The following FAM193B variants were observed in gnomAD, a reference collection of about 807,000 sequenced individuals.
The protein encoded by FAM193B is protein FAM193B.
FAM193B carries 27 observed loss-of-function variants against 70.7 expected under a neutral mutation model. The ratio of observed to expected loss-of-function variants is 0.38; its 90% CI spans 0.28 to 0.53. The LOEUF is 0.53. FAM193B is among the 20% of genes least tolerant of loss of function. The probability of loss-of-function intolerance (pLI) is 0.81; values close to 1 mark genes in which losing one functional copy is unlikely to be tolerated. For synonymous variants in FAM193B, 448 were observed against 436.0 expected (o/e 1.03, Z -0.34); for missense variants, 1,022 against 1,072.5 (o/e 0.95, Z 0.66).
intron 7 of FAM193B, 71 bp downstream of exon 7, chr5:177,523,886 C>G (rs1762159174): frequency 6.4e-7 from 1 of 1,560,174 alleles, no homozygotes; most frequent in Non-Finnish European, 8.8e-7. Context: ...GCTTGAGGCA[C>G]AACACAGGGC....
chr5:177,524,518 G>T lies in FAM193B; in HGVS notation c.1963C>A (p.Pro655Thr). Reference protein sequence around the residue: ...KKSEASPAPRPPASLEVPSAK... With the variant: ...KKSEASPAPRTPASLEVPSAK... ...CTGGGAACCTCTAGGCTGGCTGGGG[G>T]CCGGGGGGCTGGGCTTGCCTCGCTC... The change falls in exon 6 of 9, where the codon CCC becomes ACC. Residue 655 changes from proline to threonine, a missense_variant. By Grantham distance (38) the Pro-to-Thr change is conservative. Coordinates refer to ENST00000514747, the MANE Select transcript of FAM193B (RefSeq NM_001190946.3). The T allele has an allele frequency of 6.2e-7, 1 of 1,612,738 alleles. No individual in the cohort carries two copies. The highest frequency in any genetic ancestry group is 8.5e-7 in the Non-Finnish European group (1 of 1,179,652).
At chr5:177,551,281 GTTTGT>G (rs1766208566) in intron 1 of FAM193B, among the ~76,000 whole-genome samples, 1 of 145,114 alleles carries the variant, frequency 6.9e-6, no homozygotes, top group African/African-American at 2.6e-5. Flanking sequence ...TTTTTTTTTT[GTTTGT>G]TTTGTTTTCC....
chr5:177,549,328 G>A (rs1354325869), intron 1 of FAM193B, among the ~76,000 whole-genome samples: 1 of 151,738 alleles, frequency 6.6e-6, no homozygotes, highest in African/African-American at 2.4e-5. Context: ...AAGTAGCTGG[G>A]ACTATAGGTG....
chr5:177,539,151 TC>T lies in FAM193B; in HGVS notation c.211-5del. 2.6e-6 allele frequency: 4 copies of T among 1,550,944 alleles called. No individual in the cohort carries two copies. Among genetic ancestry groups the T allele is most frequent in the Non-Finnish European group, 3.5e-6 (4 of 1,146,622 alleles). The stretch of plus-strand genomic sequence containing the variant: ...GCTGGCTGGAGGCGGGGGGGACCTG[TC>T]CAACAGACAGAAACAGGGTTTCCCA... On this transcript the variant is annotated splice_region_variant and splice_polypyrimidine_tract_variant and intron_variant, in intron 1 of 8. Coordinates refer to ENST00000514747, the MANE Select transcript of FAM193B (RefSeq NM_001190946.3).
chr5:177,524,064 C>T, intron 6 of FAM193B, 32 bp from the exon 7 acceptor site: 2 of 1,613,898 alleles, frequency 1.2e-6, no homozygotes, highest in African/African-American at 1.3e-5. Context: ...GGCTCAGTGC[C>T]CATGGCCAGG....
chr5:177,540,888 G>A (rs1764773873), intron 1 of FAM193B, among the ~76,000 whole-genome samples: 1 of 152,244 alleles, frequency 6.6e-6, no homozygotes, highest in Middle Eastern at 3.4e-3. Flanking sequence ...ATAAGATAAT[G>A]CCATCATTTT....
chr5:177,534,211 T>A (rs961313385), intron 4 of FAM193B, among the ~76,000 whole-genome samples: 3 of 151,964 alleles, frequency 2.0e-5, no homozygotes, highest in Non-Finnish European at 4.4e-5. Context: ...AAAAAGATGG[T>A]GGCAGGAATC....
chr5:177,552,785 A>C (rs1425549135), intron 1 of FAM193B, among the ~76,000 whole-genome samples: 1 of 152,226 alleles, frequency 6.6e-6, no homozygotes, highest in African/African-American at 2.4e-5. Context: ...TCTGACACTC[A>C]GTAAGTGCTG....
At chr5:177,549,512 T>C (rs997997149) in intron 1 of FAM193B, among the ~76,000 whole-genome samples, 3 of 152,182 alleles carry the variant, frequency 2.0e-5, no homozygotes, top group African/African-American at 7.2e-5. Flanking sequence ...ATTTTATACA[T>C]GAGAAAACAA....
At chr5:177,531,452 G>A (rs754739616) in intron 5 of FAM193B, 10 of 1,362,526 alleles carry the variant, frequency 7.3e-6, no homozygotes, top group Non-Finnish European at 2.9e-6. Flanking sequence ...TCCTCTTTCC[G>A]CCTGGTCAGC....
chr5:177,547,267 G>A (rs1381175612), intron 1 of FAM193B: 3 of 141,708 alleles, frequency 2.1e-5, no homozygotes, highest in African/African-American at 7.9e-5. Flanking sequence ...AGTGAGACTT[G>A]CCCAAACCAA....
Position 177,539,140 on chromosome 5 carries a change from G to T in FAM193B, c.218C>A (p.Pro73His). ...PNLVPGPQVP[P>H]ASSQPVQTCC... ...AGTCTGCACAGGCTGGCTGGAGGCG[G>T]GGGGGACCTGTCCAACAGACAGAAA... The change falls in exon 2 of 9, where the codon CCC becomes CAC. Residue 73 changes from proline (P) to histidine (H), a missense_variant. By Grantham distance (77) the Pro-to-His change is moderately conservative (BLOSUM62 -2). Coordinates refer to ENST00000514747, the MANE Select transcript of FAM193B (RefSeq NM_001190946.3). The T allele has an allele frequency of 6.4e-7, 1 of 1,566,034 alleles. No individual in the cohort carries two copies. The highest frequency in any genetic ancestry group is 8.7e-7 in the Non-Finnish European group (1 of 1,155,514).
At chr5:177,534,660 G>A (rs1246726966) in intron 4 of FAM193B, among the ~76,000 whole-genome samples, 2 of 152,102 alleles carry the variant, frequency 1.3e-5, no homozygotes, top group African/African-American at 2.4e-5. Context: ...GCCTAGGCTA[G>A]AGTTCAGTGG....
intron 1 of FAM193B, among the ~76,000 whole-genome samples, chr5:177,541,435 T>G (rs960531657): frequency 5.9e-5 from 9 of 152,238 alleles, no homozygotes; most frequent in Non-Finnish European, 1.2e-4. Context: ...TTTTCTTCTT[T>G]TGAGACGGAG....
intron 8 of FAM193B, 54 bp from the exon 9 acceptor site, chr5:177,520,235 C>T (rs1300112780): frequency 6.6e-6 from 1 of 152,266 alleles, no homozygotes; most frequent in African/African-American, 2.4e-5. Flanking sequence ...ATGCTCCAGC[C>T]TCCCCATGCC....
At chr5:177,529,205 G>GC (rs1561758375) in intron 5 of FAM193B, among the ~76,000 whole-genome samples, 1 of 151,366 alleles carries the variant, frequency 6.6e-6, no homozygotes, top group African/African-American at 2.4e-5. Context: ...CCCACTGTCA[G>GC]CCCATGACTC....
chr5:177,554,220 G>A (rs1766737452), intron 1 of FAM193B, 29 bp downstream of exon 1: 3 of 1,490,310 alleles, frequency 2.0e-6, no homozygotes, highest in East Asian at 2.8e-5. Flanking sequence ...AAGCGCCCGA[G>A]CCGCCGAAGT....
At chr5:177,546,775 A>C (rs1397069407) in intron 1 of FAM193B, among the ~76,000 whole-genome samples, 1 of 152,202 alleles carries the variant, frequency 6.6e-6, no homozygotes, top group African/African-American at 2.4e-5. Flanking sequence ...CTGGTTGTAC[A>C]AGCTCGGTTG....
At chr5:177,544,235 A>C (rs1240739715) in intron 1 of FAM193B, among the ~76,000 whole-genome samples, 3 of 152,126 alleles carry the variant, frequency 2.0e-5, no homozygotes, top group Non-Finnish European at 2.9e-5. Flanking sequence ...CTCTAGGTGC[A>C]CTCTAGGGCC....
Sources: gnomAD v4.1 joint callset for allele counts (sites outside exome capture counted in the v4.1 genomes callset) on GRCh38, gnomAD v4.1.1 for gene constraint, MANE v1.5 for transcripts, NCBI Gene and HGNC (gene_info 2026-07-23, HGNC 2026-07-21) for gene names.